Variants in EMCN observed in about 807,000 individuals in gnomAD.
EMCN encodes endomucin.
EMCN carries 37 observed loss-of-function variants against 38.4 expected under a neutral mutation model. The ratio of observed to expected loss-of-function variants is 0.96; its 90% CI spans 0.74 to 1.27. The LOEUF is 1.27. Ranked by LOEUF, EMCN falls within the 50% of genes most tolerant of loss-of-function variation. EMCN has a pLI of 0.00. For synonymous variants in EMCN, 95 were observed against 100.8 expected (o/e 0.94, Z 0.35); for missense variants, 318 against 302.8 (o/e 1.05, Z -0.37).
chr4:100,410,718 T>C (rs1726530013), intron 10 of EMCN, among the ~76,000 whole-genome samples: 1 of 152,150 alleles, frequency 6.6e-6, no homozygotes, highest in Admixed American at 6.5e-5. Flanking sequence ...CCATGTCATG[T>C]GTTTAAAGTG....
At chr4:100,405,173 A>G (rs1594714) in intron 11 of EMCN, among the ~76,000 whole-genome samples, 137,252 of 152,112 alleles carry the variant, frequency 0.9, 61,943 homozygotes, top group South Asian at 0.96. Context: ...CAGATCGTTT[A>G]ACTTCTTCTC....
intron 4 of EMCN, among the ~76,000 whole-genome samples, chr4:100,459,657 T>G (rs1396178142): frequency 6.6e-6 from 1 of 152,180 alleles, no homozygotes; most frequent in Non-Finnish European, 1.5e-5. Context: ...AGATTCCACA[T>G]GTAAGGGAAA....
intron 4 of EMCN, among the ~76,000 whole-genome samples, chr4:100,461,161 A>G (rs528243733): frequency 1.3e-5 from 2 of 152,096 alleles, no homozygotes; most frequent in Non-Finnish European, 2.9e-5. Context: ...CCCACATATC[A>G]GCACCTGTGC....
At chr4:100,458,125 A>AG (rs914297250) in intron 4 of EMCN, among the ~76,000 whole-genome samples, 6 of 152,144 alleles carry the variant, frequency 3.9e-5, no homozygotes, top group Admixed American at 2.0e-4. Flanking sequence ...AAAAAAAAAA[A>AG]GTGTTTCCTT....
chr4:100,471,325 C>T (rs186944211), intron 3 of EMCN, among the ~76,000 whole-genome samples: 5 of 151,550 alleles, frequency 3.3e-5, no homozygotes, highest in Admixed American at 1.3e-4. Flanking sequence ...AACTATATGC[C>T]GACAAATTAG....
At chr4:100,438,026 T>C (rs1310212854) in intron 5 of EMCN, among the ~76,000 whole-genome samples, 1 of 152,138 alleles carries the variant, frequency 6.6e-6, no homozygotes, top group Non-Finnish European at 1.5e-5. Context: ...GATTCATAAA[T>C]ACAGTGTATC....
chr4:100,439,245 G>C (rs1427514021), intron 5 of EMCN, among the ~76,000 whole-genome samples: 3 of 151,886 alleles, frequency 2.0e-5, no homozygotes, highest in Non-Finnish European at 4.4e-5. Flanking sequence ...CTGTTTCTGG[G>C]CTTTTCTTTG....
At chr4:100,430,008 A>G (rs543333619) in intron 5 of EMCN, among the ~76,000 whole-genome samples, 196 of 152,154 alleles carry the variant, frequency 1.3e-3, no homozygotes, top group Non-Finnish European at 2.4e-3. Context: ...TTATCAATGG[A>G]ATCAATAAAA....
At chr4:100,488,931 C>T (rs757612184) in intron 1 of EMCN, among the ~76,000 whole-genome samples, 1 of 152,012 alleles carries the variant, frequency 6.6e-6, no homozygotes, top group Non-Finnish European at 1.5e-5. Flanking sequence ...TTTTAAGTTA[C>T]AGAAAATGTA....
intron 3 of EMCN, among the ~76,000 whole-genome samples, chr4:100,470,969 T>A (rs951827068): frequency 6.6e-6 from 1 of 151,790 alleles, no homozygotes; most frequent in African/African-American, 2.4e-5. Context: ...AAGAAGGAAA[T>A]TTATAGGTGT....
chr4:100,478,082 TA>T (rs1383299831), intron 2 of EMCN, among the ~76,000 whole-genome samples: 1 of 152,190 alleles, frequency 6.6e-6, no homozygotes, highest in Non-Finnish European at 1.5e-5. Context: ...AAAAAGGAGT[TA>T]TTTTCTCTGT....
intron 1 of EMCN, among the ~76,000 whole-genome samples, chr4:100,512,113 C>T (rs939330507): frequency 6.6e-6 from 1 of 152,118 alleles, no homozygotes; most frequent in Non-Finnish European, 1.5e-5. Flanking sequence ...AGCTGGTTGC[C>T]ATAGCAATGG....
intron 1 of EMCN, among the ~76,000 whole-genome samples, chr4:100,496,486 A>G (rs1729210608): frequency 6.6e-6 from 1 of 152,028 alleles, no homozygotes; most frequent in Non-Finnish European, 1.5e-5. Context: ...ATTCTTTATT[A>G]TTTTCTTACT....
intron 4 of EMCN, among the ~76,000 whole-genome samples, chr4:100,448,752 T>C (rs1727748446): frequency 1.3e-5 from 2 of 150,572 alleles, no homozygotes; most frequent in South Asian, 4.2e-4. Context: ...CTCGTGGCTT[T>C]GCTGTGGCAG....
chr4:100,468,874 G>A (rs1388540339), intron 3 of EMCN, among the ~76,000 whole-genome samples: 3 of 151,014 alleles, frequency 2.0e-5, no homozygotes, highest in Non-Finnish European at 4.4e-5. Flanking sequence ...ATTGTTTACA[G>A]AAATAGAAAA....
intron 1 of EMCN, among the ~76,000 whole-genome samples, chr4:100,513,138 C>A (rs1336499780): frequency 2.0e-5 from 3 of 152,024 alleles, no homozygotes; most frequent in Admixed American, 6.6e-5. Flanking sequence ...TGTTATAAAT[C>A]TTTTGAAAGT....
intron 4 of EMCN, among the ~76,000 whole-genome samples, chr4:100,448,795 T>TTTTCTTTCCTTCCTTC (rs58028381): frequency 0.012 from 1,374 of 114,392 alleles, 104 homozygotes; most frequent in Middle Eastern, 0.04. Context: ...TGCCTTGAAG[T>TTTTCTTTCCTTCCTTC]CTTCCTTCCT....
intron 3 of EMCN, among the ~76,000 whole-genome samples, chr4:100,469,087 A>T (rs1051283697): frequency 6.6e-6 from 1 of 152,118 alleles, no homozygotes; most frequent in Non-Finnish European, 1.5e-5. Flanking sequence ...CTAAACATAT[A>T]TGGTCAATTA....
chr4:100,416,057 G>A (rs946712092), intron 9 of EMCN, 98 bp from the exon 10 acceptor site: 3 of 649,580 alleles, frequency 4.6e-6, no homozygotes, highest in Middle Eastern at 3.4e-4. Context: ...AGATACATAT[G>A]CATATATATA....
Sources: gnomAD v4.1 joint callset for allele counts (sites outside exome capture counted in the v4.1 genomes callset) on GRCh38, gnomAD v4.1.1 for gene constraint, MANE v1.5 for transcripts, NCBI Gene and HGNC (gene_info 2026-07-23, HGNC 2026-07-21) for gene names.